POT1: variants seen among roughly 807,000 people sequenced by gnomAD.
The protein encoded by POT1 is protection of telomeres 1.
POT1 carries 47 observed loss-of-function variants against 78.5 expected under a neutral mutation model. The ratio of observed to expected loss-of-function variants is 0.60; its 90% CI spans 0.47 to 0.76. POT1 has a LOEUF of 0.76. Ranked by LOEUF, POT1 falls within the 30% of genes least tolerant of loss-of-function variation. The pLI is 0.00. For synonymous variants in POT1, 259 were observed against 260.7 expected, an observed-to-expected ratio of 0.99 and a Z score of 0.06; for missense variants, 646 against 749.9, an observed-to-expected ratio of 0.86 and a Z score of 1.62.
chr7:124,894,727 C>T (rs551190210), intron 5 of POT1, among the ~76,000 whole-genome samples: 61 of 151,478 alleles, frequency 4.0e-4, no homozygotes, highest in Non-Finnish European at 8.0e-4. Flanking sequence ...CTTGCTGACA[C>T]AATAAAGTAT....
chr7:124,903,791 GAAGAA>G (rs79064037), intron 3 of POT1, among the ~76,000 whole-genome samples: 16,457 of 151,752 alleles, frequency 0.11, 1,175 homozygotes, highest in South Asian at 0.29. Context: ...GACTAATAAA[GAAGAA>G]AAGAATCAAA....
intron 12 of POT1, among the ~76,000 whole-genome samples, chr7:124,844,664 GGCAGAGCTT>G (rs1006594862): frequency 7.0e-6 from 1 of 142,610 alleles, no homozygotes; most frequent in Non-Finnish European, 1.5e-5. Flanking sequence ...GAACCCGGAA[GGCAGAGCTT>G]GCAGTGAGCC....
At chr7:124,927,670 A>T (rs1319808015) in intron 2 of POT1, among the ~76,000 whole-genome samples, 1 of 152,088 alleles carries the variant, frequency 6.6e-6, no homozygotes, top group East Asian at 1.9e-4. Flanking sequence ...AACCCATCTA[A>T]ATGAGAGTCC....
In POT1 at chr7:124,863,704, C is replaced by T. The variant is rs115093434; in HGVS notation, c.256-64G>A. 1.2e-3 allele frequency: 1,481 copies of T among 1,238,220 alleles called. 14 individuals are homozygous for T. The African/African-American group carries it at 0.02, about 17-fold the overall frequency. The allele number at this position is 1,238,220 out of a possible 1,614,324, so 76.7% of individuals were successfully genotyped here. On this transcript the variant is annotated intron_variant, in intron 7 of 18. Transcript: ENST00000357628. ...AAATAGCTTACTGATGCACAACCTA[C>T]GAACCAAAGAAACTGGAAAGATTAT...
chr7:124,894,819 TAGG>T (rs1796454834), intron 5 of POT1, among the ~76,000 whole-genome samples: 1 of 151,444 alleles, frequency 6.6e-6, no homozygotes, highest in African/African-American at 2.4e-5. Context: ...GTGTAGTTAG[TAGG>T]AGAATGGTAA....
chr7:124,858,475 T>C (rs1048036780), intron 9 of POT1, among the ~76,000 whole-genome samples: 4 of 152,156 alleles, frequency 2.6e-5, no homozygotes, highest in Non-Finnish European at 4.4e-5. Context: ...TTACACAGTA[T>C]ACACACACCC....
chr7:124,918,393 T>C (rs921135668), intron 2 of POT1, among the ~76,000 whole-genome samples: 1 of 152,176 alleles, frequency 6.6e-6, no homozygotes, highest in Non-Finnish European at 1.5e-5. Flanking sequence ...GTAGCATGTG[T>C]GCCACTGGGA....
intron 4 of POT1, among the ~76,000 whole-genome samples, chr7:124,897,504 C>T (rs1796521058): frequency 6.6e-6 from 1 of 151,798 alleles, no homozygotes; most frequent in African/African-American, 2.4e-5. Flanking sequence ...CAGGACAGTT[C>T]TCAGGATAGA....
At chr7:124,848,404 C>T (rs1291051130) in intron 11 of POT1, 1 of 152,242 alleles carries the variant, frequency 6.6e-6, no homozygotes, top group Non-Finnish European at 1.5e-5. Context: ...GTGGCTTGCA[C>T]CTGTAATCCC....
At position 124,822,546 on chromosome 7, in the gene POT1, G is replaced by A. The variant is rs528668733; in HGVS notation, c.*1416C>T. 2 of 455,622 alleles carry A rather than the reference G, an allele frequency of 4.4e-6. No homozygotes were observed. Among genetic ancestry groups the A allele is most frequent in the South Asian group, 3.1e-5 (2 of 64,386 alleles). The allele number at this position is 455,622 out of a possible 1,614,324, so 28.2% of individuals were successfully genotyped here. On this transcript the variant is annotated 3_prime_UTR_variant, in exon 19 of 19. Coordinates refer to ENST00000357628, the MANE Select transcript of POT1 (RefSeq NM_015450.3). ...TGGACCTCTACTCTTCTAGATTGAG[G>A]GCTTCCTGAAGGCAGAAAAAATGTT...
At chr7:124,906,425 T>C (rs1796766640) in intron 3 of POT1, among the ~76,000 whole-genome samples, 1 of 138,544 alleles carries the variant, frequency 7.2e-6, no homozygotes, top group South Asian at 2.3e-4. Flanking sequence ...CACCCATAGG[T>C]GGGAACTGAA....
intron 5 of POT1, among the ~76,000 whole-genome samples, chr7:124,896,427 T>C (rs533321860): frequency 6.6e-6 from 1 of 151,896 alleles, no homozygotes; most frequent in East Asian, 1.9e-4. Flanking sequence ...GTTCTTTTAT[T>C]GGTAACAGTT....
chr7:124,921,224 C>T (rs1797142022), intron 2 of POT1, among the ~76,000 whole-genome samples: 1 of 151,922 alleles, frequency 6.6e-6, no homozygotes, highest in Admixed American at 6.6e-5. Context: ...GCACACAAAA[C>T]AATAAAAGTA....
intron 2 of POT1, among the ~76,000 whole-genome samples, chr7:124,918,988 A>C (rs1797082402): frequency 6.6e-6 from 1 of 152,146 alleles, no homozygotes; most frequent in South Asian, 2.1e-4. Flanking sequence ...GTGGTGCTTA[A>C]CAACAGGGAT....
intron 9 of POT1, chr7:124,858,745 G>T: frequency 2.9e-6 from 1 of 345,230 alleles, no homozygotes; most frequent in South Asian, 1.1e-4. Context: ...AGACATTTAA[G>T]AAAGATTATT....
chr7:124,886,564 C>T (rs1300765803), intron 6 of POT1, among the ~76,000 whole-genome samples: 1 of 151,988 alleles, frequency 6.6e-6, no homozygotes, highest in Non-Finnish European at 1.5e-5. Context: ...TATTTAAAAG[C>T]TTCAACGACC....
intron 7 of POT1, among the ~76,000 whole-genome samples, chr7:124,869,083 G>T (rs368055125): frequency 1.9e-4 from 29 of 152,234 alleles, no homozygotes; most frequent in Middle Eastern, 3.4e-3. Flanking sequence ...ATTTTATACA[G>T]TGATAATACC....
intron 5 of POT1, chr7:124,892,644 T>A (rs1039519808): frequency 4.5e-6 from 1 of 219,884 alleles, no homozygotes; most frequent in Non-Finnish European, 8.9e-6. Context: ...ACTTCTTCAA[T>A]AAAAACATAG....
chr7:124,917,894 A>G (rs1797057222), intron 2 of POT1, among the ~76,000 whole-genome samples: 1 of 152,148 alleles, frequency 6.6e-6, no homozygotes, highest in South Asian at 2.1e-4. Flanking sequence ...AAACTCTAGA[A>G]CTTGGAAAGG....
Sources: allele counts gnomAD v4.1 joint callset (sites outside exome capture counted in the v4.1 genomes callset), GRCh38; gene constraint gnomAD v4.1.1; transcripts MANE v1.5; gene names NCBI Gene and HGNC (gene_info 2026-07-23, HGNC 2026-07-21).